The following CTR9 variants were observed in gnomAD, a reference collection of about 807,000 sequenced individuals.
The protein encoded by CTR9 is CTR9 component of Paf1/RNA polymerase II complex.
CTR9 carries 41 observed loss-of-function variants against 152.1 expected under a neutral mutation model. The ratio of observed to expected loss-of-function variants is 0.27; its 90% CI spans 0.21 to 0.35. The LOEUF (loss-of-function observed/expected upper bound fraction) is 0.35. CTR9 is among the 10% of genes least tolerant of loss of function. CTR9 has a pLI of 1.00. For synonymous variants in CTR9, 476 were observed against 496.2 expected (o/e 0.96, Z 0.54); for missense variants, 917 against 1,424.4 (o/e 0.64, Z 5.73).
chr11:10,759,068 G>A (rs190928530), intron 5 of CTR9, among the ~76,000 whole-genome samples: 4 of 152,292 alleles, frequency 2.6e-5, no homozygotes, highest in African/African-American at 9.6e-5. Context: ...AGAAAGGCTG[G>A]AATTCAGGAA....
intron 2 of CTR9, among the ~76,000 whole-genome samples, chr11:10,753,476 A>G (rs891666628): frequency 2.8e-4 from 43 of 152,074 alleles, no homozygotes; most frequent in Non-Finnish European, 7.4e-5. Context: ...AGAGTCAGAG[A>G]AATAGGTCTG....
At chr11:10,763,226 C>A (rs944639857) in intron 7 of CTR9, among the ~76,000 whole-genome samples, 5 of 145,978 alleles carry the variant, frequency 3.4e-5, no homozygotes, top group Admixed American at 6.7e-5. Context: ...AACCACAGTG[C>A]TTTACTCTTT....
chr11:10,779,277 C>T lies in CTR9; in HGVS notation c.*172C>T. 1.6e-6 allele frequency: 1 copy of T among 626,138 alleles called. No homozygotes were observed. The highest frequency in any genetic ancestry group is 2.7e-6 in the Non-Finnish European group (1 of 370,722). 38.8% of individuals were successfully genotyped at this position (626,138 alleles called of 1,614,324 possible). A position where few individuals can be genotyped will look rare whatever the true frequency, so the allele number is the denominator to read the frequency against. ...CAAGAGACATTTCCTGTGCTAGAGT[C>T]CAATATTTGAGTCTCTCGTGCAAAT... On this transcript the variant is annotated 3_prime_UTR_variant, in exon 25 of 25. Transcript: ENST00000361367.
intron 16 of CTR9, among the ~76,000 whole-genome samples, chr11:10,769,504 C>G (rs1863109552): frequency 6.6e-6 from 1 of 152,088 alleles, no homozygotes; most frequent in Admixed American, 6.6e-5. Flanking sequence ...ACTGGAAAGT[C>G]AATAATCACA....
At chr11:10,756,648 TCTCA>T (rs1862888801) in intron 4 of CTR9, 97 bp from the exon 5 acceptor site, 2 of 731,108 alleles carry the variant, frequency 2.7e-6, no homozygotes, top group Non-Finnish European at 2.2e-6. Context: ...TTCAAGTATT[TCTCA>T]CTCAGAGATG....
intron 12 of CTR9, 146 bp from the exon 13 acceptor site, chr11:10,766,256 T>G: frequency 1.6e-6 from 1 of 637,522 alleles, no homozygotes; most frequent in Admixed American, 3.3e-5. Flanking sequence ...GTTGGATGGA[T>G]GATTGATATT....
chr11:10,751,984 A>G (rs1862810250), intron 1 of CTR9, among the ~76,000 whole-genome samples: 1 of 152,188 alleles, frequency 6.6e-6, no homozygotes, highest in Non-Finnish European at 1.5e-5. Context: ...GTGTGCTGAT[A>G]AAATTTAACC....
At chr11:10,777,294 G>A (rs1347718392) in intron 24 of CTR9, among the ~76,000 whole-genome samples, 3 of 152,142 alleles carry the variant, frequency 2.0e-5, no homozygotes, top group African/African-American at 7.2e-5. Flanking sequence ...CACTTTGGGA[G>A]GCTGAGGCAG....
chr11:10,755,148 A>T lies in CTR9; in HGVS notation c.335A>T (p.Gln112Leu), dbSNP rs1020550216. 1 of 1,613,828 alleles carries T rather than the reference A, an allele frequency of 6.2e-7. No individual in the cohort carries two copies. Among genetic ancestry groups the T allele is most frequent in the Non-Finnish European group, 8.5e-7 (1 of 1,179,772 alleles). The change falls in exon 3 of 25, where the codon CAG (glutamine) becomes CTG (leucine). Residue 112 changes from glutamine to leucine, a missense_variant. Coordinates refer to ENST00000361367, the MANE Select transcript of CTR9 (RefSeq NM_014633.5). Reference sequence around the variant, plus strand: ...GACAATAAAAAGGATCTTATTACACAGGCCACCTTGTTGTATACAATGGCC... The same window carrying T: ...GACAATAAAAAGGATCTTATTACACTGGCCACCTTGTTGTATACAATGGCC... The part of the protein sequence containing the change: ...NKDNKKDLIT[Q>L]ATLLYTMADK...
At chr11:10,771,868 A>G (rs1218871256) in intron 19 of CTR9, among the ~76,000 whole-genome samples, 3 of 152,210 alleles carry the variant, frequency 2.0e-5, no homozygotes, top group Non-Finnish European at 4.4e-5. Flanking sequence ...ATGTCAGCCT[A>G]GTCAAGATAA....
In CTR9 at chr11:10,770,636, A is replaced by C. The variant is rs199735513; in HGVS notation, c.2372+4A>C. ...AAGAACTGGAGCTTGCACATAGGTAAAGATTTTGTAGAAACAACCTATGAA... is the reference window on the plus strand; with the variant it reads ...AAGAACTGGAGCTTGCACATAGGTACAGATTTTGTAGAAACAACCTATGAA... On this transcript the variant is annotated splice_donor_region_variant and intron_variant, in intron 18 of 24. Transcript: ENST00000361367. 3.5e-4 allele frequency: 565 copies of C among 1,605,284 alleles called. 2 individuals carry two copies. Among genetic ancestry groups the C allele is most frequent in the Middle Eastern group, 1.0e-3 (6 of 6,008 alleles).
At chr11:10,775,415 AG>A in intron 23 of CTR9, 105 bp from the exon 24 acceptor site, 1 of 1,367,388 alleles carries the variant, frequency 7.3e-7, no homozygotes, top group Non-Finnish European at 1.0e-6. Context: ...TTGTTTTCAA[AG>A]TTCATCAGTG....
Position 10,755,033 on chromosome 11 carries a change from G to C in CTR9, c.220G>C (p.Asp74His). 1.2e-6 allele frequency: 2 copies of C among 1,614,072 alleles called. No homozygotes were observed. The highest frequency in any genetic ancestry group is 8.5e-7 in the Non-Finnish European group (1 of 1,179,978). The part of the protein sequence containing the change: ...LEAARIDGNL[D>H]YRDHEKDQMT... ...AGCAGCACGTATAGATGGCAATTTG[G>C]ACTATAGAGACCATGAAAAAGACCA... Residue 74 changes from aspartate to histidine, a missense_variant, in exon 3 of 25, where the codon GAC (aspartate) becomes CAC (histidine). By Grantham distance (81) the Asp-to-His change is moderately conservative. Coordinates refer to ENST00000361367, the MANE Select transcript of CTR9 (RefSeq NM_014633.5).
chr11:10,778,781 T>C lies in CTR9; in HGVS notation c.3198T>C (p.Ser1066=), dbSNP rs1411049600. ...ESDSDENQNK[S]GSEAGSPRRP... ...ATTCCGATGAGAACCAGAACAAGTCTGGCAGCGAGGCCGGCAGTCCCCGGA... is the reference window on the plus strand; with the variant it reads ...ATTCCGATGAGAACCAGAACAAGTCCGGCAGCGAGGCCGGCAGTCCCCGGA... The change falls in exon 25 of 25, where the codon TCT becomes TCC. Residue 1066 remains serine, a synonymous_variant. Coordinates refer to ENST00000361367, the MANE Select transcript of CTR9 (RefSeq NM_014633.5). 1 of 1,614,188 alleles carries C rather than the reference T, an allele frequency of 6.2e-7. No individual in the cohort carries two copies. The highest frequency in any genetic ancestry group is 8.5e-7 in the Non-Finnish European group (1 of 1,180,040).
chr11:10,775,860 C>T (rs1863226021), intron 24 of CTR9, among the ~76,000 whole-genome samples: 1 of 152,172 alleles, frequency 6.6e-6, no homozygotes, highest in Non-Finnish European at 1.5e-5. Context: ...CTGGAAGAAA[C>T]TTGACCCTGT....
In CTR9 at chr11:10,767,637, C is replaced by T. The variant is rs1365251205; in HGVS notation, c.1687-169C>T. 3.1e-5 allele frequency: 20 copies of T among 645,732 alleles called. No individual in the cohort carries two copies. The highest frequency in any genetic ancestry group is 5.1e-5 in the Non-Finnish European group (19 of 373,032). 40.0% of individuals were successfully genotyped at this position (645,732 alleles called of 1,614,324 possible). A position where few individuals can be genotyped will look rare whatever the true frequency, so the allele number is the denominator to read the frequency against. ...TAACTTAGCTTTAGCATTAGTAGTT[C>T]GATAAATTTGGATTGCCATGCAAAA... is the stretch of plus-strand genomic sequence containing the variant. On this transcript the variant is annotated intron_variant, in intron 13 of 24. Coordinates refer to ENST00000361367, the MANE Select transcript of CTR9 (RefSeq NM_014633.5). The surrounding 1 kb of genome is among the most constrained non-coding windows in gnomAD (Gnocchi z 4.0).
In CTR9 at chr11:10,777,111, A is replaced by G. The variant is rs183862191; in HGVS notation, c.3095+1478A>G. Among the ~76,000 whole-genome samples, 40 of 151,786 alleles carry G rather than the reference A, an allele frequency of 2.6e-4. No individual in the cohort carries two copies. The East Asian group carries it at 7.2e-3, about 27-fold the overall frequency. On this transcript the variant is annotated intron_variant, in intron 24 of 24. Coordinates refer to ENST00000361367, the MANE Select transcript of CTR9 (RefSeq NM_014633.5). Reference sequence around the variant, plus strand: ...GGAGTTGTAAGAGATGTTTTTTTCTAAAAGAAAGGGTGTTTGAGTTGAGTC... The same window carrying G: ...GGAGTTGTAAGAGATGTTTTTTTCTGAAAGAAAGGGTGTTTGAGTTGAGTC...
chr11:10,771,466 C>A, intron 18 of CTR9, 79 bp from the exon 19 acceptor site: 1 of 1,046,728 alleles, frequency 9.6e-7, no homozygotes, highest in Non-Finnish European at 1.5e-6. Flanking sequence ...GACTTTGTAG[C>A]ACAGATTAAA....
chr11:10,778,307 C>T (rs1399525515), intron 24 of CTR9, among the ~76,000 whole-genome samples: 1 of 152,148 alleles, frequency 6.6e-6, no homozygotes, highest in Non-Finnish European at 1.5e-5. Flanking sequence ...TGGATTTCAC[C>T]TTTGTTGCTG....
Sources: gnomAD v4.1 joint callset for allele counts (sites outside exome capture counted in the v4.1 genomes callset) on GRCh38, gnomAD v4.1.1 for gene constraint, Gnocchi (gnomAD v3.1) non-coding constraint, MANE v1.5 for transcripts, NCBI Gene and HGNC (gene_info 2026-07-23, HGNC 2026-07-21) for gene names.